ADCY8: variants seen among roughly 807,000 people sequenced by gnomAD.
ADCY8 encodes adenylate cyclase 8.
In ADCY8, 51 loss-of-function variants were observed where a neutral mutation model predicts 119.7. The ratio of observed to expected loss-of-function variants is 0.43; its 90% CI spans 0.34 to 0.54. The LOEUF (loss-of-function observed/expected upper bound fraction) is 0.54, where lower values mean the gene tolerates loss of function less well. ADCY8 is among the 20% of genes least tolerant of loss of function. ADCY8 has a pLI of 0.03. For synonymous variants in ADCY8, 665 were observed against 651.0 expected (o/e 1.02, Z -0.33); for missense variants, 1,383 against 1,598.8 (o/e 0.87, Z 2.30).
At chr8:130,924,609 G>A (rs773134968) in intron 5 of ADCY8, among the ~76,000 whole-genome samples, 4 of 152,230 alleles carry the variant, frequency 2.6e-5, no homozygotes, top group South Asian at 2.1e-4. Context: ...CTGAGACACC[G>A]TACCATCCCT....
intron 2 of ADCY8, among the ~76,000 whole-genome samples, chr8:130,981,334 A>C (rs1036461432): frequency 5.3e-5 from 8 of 152,182 alleles, no homozygotes; most frequent in African/African-American, 1.9e-4. Flanking sequence ...AAAATAAGCT[A>C]TTTTAGGCAT....
At chr8:130,931,335 A>G (rs755302546) in intron 5 of ADCY8, among the ~76,000 whole-genome samples, 9 of 151,982 alleles carry the variant, frequency 5.9e-5, no homozygotes, top group South Asian at 2.1e-4. Context: ...TATATATGGT[A>G]TTTGCTTCTT....
intron 2 of ADCY8, among the ~76,000 whole-genome samples, chr8:130,959,358 T>G (rs1821530275): frequency 6.6e-6 from 1 of 152,208 alleles, no homozygotes; most frequent in South Asian, 2.1e-4. Flanking sequence ...GATACCCAAT[T>G]TACACATTCT....
intron 1 of ADCY8, among the ~76,000 whole-genome samples, chr8:131,030,527 T>C (rs1455758285): frequency 1.3e-5 from 2 of 152,190 alleles, no homozygotes; most frequent in African/African-American, 4.8e-5. Flanking sequence ...GTGTAAAATA[T>C]TTACTGAATC....
chr8:130,854,933 C>G (rs1186450020), intron 9 of ADCY8, among the ~76,000 whole-genome samples: 2 of 146,552 alleles, frequency 1.4e-5, no homozygotes, highest in Middle Eastern at 3.2e-3. Flanking sequence ...TTCTGCCTCC[C>G]CCTCTCTCTT....
intron 5 of ADCY8, among the ~76,000 whole-genome samples, chr8:130,923,507 T>G (rs1454215586): frequency 6.6e-6 from 1 of 152,212 alleles, no homozygotes; most frequent in Non-Finnish European, 1.5e-5. Context: ...GTCATTCCTA[T>G]GACTTTTTTA....
chr8:130,968,498 T>C (rs1271557434), intron 2 of ADCY8, among the ~76,000 whole-genome samples: 1 of 152,190 alleles, frequency 6.6e-6, no homozygotes, highest in African/African-American at 2.4e-5. Flanking sequence ...TCATCACTAT[T>C]CCTTGGCAGT....
At chr8:130,954,576 G>C (rs1821367721) in intron 2 of ADCY8, among the ~76,000 whole-genome samples, 1 of 152,180 alleles carries the variant, frequency 6.6e-6, no homozygotes, top group Non-Finnish European at 1.5e-5. Context: ...ACTCAGGTAG[G>C]ATTGAGAAAT....
intron 5 of ADCY8, among the ~76,000 whole-genome samples, chr8:130,927,443 G>C (rs1333439161): frequency 2.6e-5 from 4 of 152,076 alleles, no homozygotes; most frequent in Admixed American, 1.3e-4. Context: ...TCAGGTGATT[G>C]ATTTTCTTGC....
chr8:130,789,110 G>A (rs1479373817), intron 15 of ADCY8, among the ~76,000 whole-genome samples: 1 of 152,166 alleles, frequency 6.6e-6, no homozygotes, highest in African/African-American at 2.4e-5. Context: ...TTGTGGTGAT[G>A]TTTCATAGGT....
intron 15 of ADCY8, among the ~76,000 whole-genome samples, chr8:130,795,667 C>G (rs1182002818): frequency 2.0e-5 from 3 of 152,174 alleles, no homozygotes; most frequent in African/African-American, 7.2e-5. Context: ...TCTACAGACT[C>G]TCTTGTTTCA....
intron 2 of ADCY8, among the ~76,000 whole-genome samples, chr8:130,964,872 C>T (rs972599888): frequency 3.9e-5 from 6 of 152,098 alleles, no homozygotes; most frequent in South Asian, 2.1e-4. Flanking sequence ...CATTCTTACT[C>T]GTGTGAGATA....
rs961670153 is a variant in ADCY8 at position 131,036,585 on chromosome 8, T to C, written c.960+2789A>G. Among the ~76,000 whole-genome samples, 4 of 152,096 alleles carry C rather than the reference T, an allele frequency of 2.6e-5. No individual in the cohort carries two copies. The South Asian group carries it at 6.2e-4, about 24-fold the overall frequency. On this transcript the variant is annotated intron_variant, in intron 1 of 17. Coordinates refer to ENST00000286355, the MANE Select transcript of ADCY8 (RefSeq NM_001115.3). ...TGGTGTTTACATTCTTGTGAGGGTG[T>C]GGGGAGAAACATAGTAGATATAAAC...
intron 5 of ADCY8, among the ~76,000 whole-genome samples, chr8:130,916,235 C>A (rs1178951526): frequency 1.3e-5 from 2 of 152,206 alleles, no homozygotes; most frequent in African/African-American, 4.8e-5. Flanking sequence ...AGTATGTGGA[C>A]TACTGGGGTC....
rs763642835 is a variant in ADCY8 at position 130,909,675 on chromosome 8, GTT to G, written c.1640+31_1640+32del. 5 of 1,612,940 alleles carry G rather than the reference GTT, an allele frequency of 3.1e-6. No homozygotes were observed. The South Asian group carries it at 4.4e-5, about 14-fold the overall frequency. ...GTCACAAAATAAGCCAATGACAACC[GTT>G]AAGCATGAAAAGGGCTTTGCTTTAT... On this transcript the variant is annotated intron_variant, in intron 6 of 17. Coordinates refer to ENST00000286355, the MANE Select transcript of ADCY8 (RefSeq NM_001115.3).
At chr8:130,846,888 T>TTTCCTTCCTTCCTTCCTTCC (rs767208726) in intron 11 of ADCY8, among the ~76,000 whole-genome samples, 48 of 19,828 alleles carry the variant, frequency 2.4e-3, no homozygotes, top group South Asian at 3.9e-3. Flanking sequence ...TTCCCTTCCC[T>TTTCCTTCCTTCCTTCCTTCC]TTCCTTCCTT....
At chr8:130,812,794 GTATATGTGCA>G (rs1289271655) in intron 14 of ADCY8, among the ~76,000 whole-genome samples, 1 of 152,116 alleles carries the variant, frequency 6.6e-6, no homozygotes, top group Admixed American at 6.5e-5. Flanking sequence ...ACATATGTAT[GTATATGTGCA>G]TATATGTGTA....
intron 8 of ADCY8, among the ~76,000 whole-genome samples, chr8:130,872,593 G>C (rs2917049): frequency 0.26 from 39,655 of 152,174 alleles, 5,526 homozygotes; most frequent in South Asian, 0.44. Context: ...TATGGGCAAA[G>C]AATGGACATT....
chr8:130,937,018 G>C, intron 5 of ADCY8, 55 bp downstream of exon 5: 1 of 1,556,790 alleles, frequency 6.4e-7, no homozygotes, highest in South Asian at 1.2e-5. Flanking sequence ...AGGTGAAGTG[G>C]CCTGTGATCG....
Sources: allele counts gnomAD v4.1 joint callset (sites outside exome capture counted in the v4.1 genomes callset), GRCh38; gene constraint gnomAD v4.1.1; transcripts MANE v1.5; gene names NCBI Gene and HGNC (gene_info 2026-07-23, HGNC 2026-07-21).